Variants in EXOC4 observed in about 807,000 individuals in gnomAD.
The protein encoded by EXOC4 is exocyst complex component 4.
A neutral mutation model predicts 107.2 loss-of-function variants in EXOC4; 71 were observed. The ratio of observed to expected loss-of-function variants is 0.66; its 90% CI spans 0.55 to 0.81. The LOEUF is 0.81. EXOC4 is among the 30% of genes least tolerant of loss of function. The pLI, the probability that EXOC4 is intolerant of heterozygous loss-of-function variation, is 0.00. For missense variants in EXOC4, 1,108 were observed against 1,189.6 expected, an observed-to-expected ratio of 0.93 and a Z score of 1.01; for synonymous variants, 456 against 441.2, an observed-to-expected ratio of 1.03 and a Z score of -0.42.
chr7:133,800,887 C>A (rs2151195115), intron 10 of EXOC4, among the ~76,000 whole-genome samples: 1 of 152,294 alleles, frequency 6.6e-6, no homozygotes, highest in East Asian at 1.9e-4. Context: ...TGCTTTTGTT[C>A]CATTCCAATG....
At chr7:133,317,725 AGGCTG>A (rs1795024168) in intron 5 of EXOC4, among the ~76,000 whole-genome samples, 1 of 150,940 alleles carries the variant, frequency 6.6e-6, no homozygotes, top group African/African-American at 2.4e-5. Flanking sequence ...TCTGTTGCCC[AGGCTG>A]GAGTGTAGTG....
At chr7:133,531,649 T>A (rs756665107) in intron 9 of EXOC4, among the ~76,000 whole-genome samples, 1 of 152,144 alleles carries the variant, frequency 6.6e-6, no homozygotes, top group South Asian at 2.1e-4. Context: ...TGAGAAAAGT[T>A]CTTCTTATGT....
intron 14 of EXOC4, among the ~76,000 whole-genome samples, chr7:133,959,379 T>C (rs1800888848): frequency 6.6e-6 from 1 of 151,524 alleles, no homozygotes; most frequent in African/African-American, 2.4e-5. Context: ...CAAGAACTCT[T>C]AGAAATAAAA....
chr7:133,591,060 G>T (rs1466676264), intron 9 of EXOC4, among the ~76,000 whole-genome samples: 1 of 152,192 alleles, frequency 6.6e-6, no homozygotes, highest in African/African-American at 2.4e-5. Context: ...TTCCTGTGAG[G>T]GGTTGAGGGC....
intron 11 of EXOC4, among the ~76,000 whole-genome samples, chr7:133,822,384 A>T (rs1179784456): frequency 6.6e-6 from 1 of 152,194 alleles, no homozygotes; most frequent in African/African-American, 2.4e-5. Context: ...CTCCATCTGA[A>T]AAAAAGAGCG....
downstream of EXOC4, chr7:134,065,763 G>T (rs1383047891): frequency 2.0e-5 from 3 of 152,210 alleles, no homozygotes; most frequent in Admixed American, 2.0e-4. Flanking sequence ...AAGCTTAAAT[G>T]TTTCATGTTA....
intron 11 of EXOC4, among the ~76,000 whole-genome samples, chr7:133,862,488 G>A (rs1175300099): frequency 1.3e-5 from 2 of 151,558 alleles, no homozygotes; most frequent in Non-Finnish European, 2.9e-5. Context: ...GTCTCAGGGG[G>A]CGGGGAAAAA....
At chr7:134,033,384 T>C (rs2116487045) in intron 17 of EXOC4, among the ~76,000 whole-genome samples, 1 of 152,270 alleles carries the variant, frequency 6.6e-6, no homozygotes, top group East Asian at 1.9e-4. Context: ...AGGACCAGAA[T>C]AAAACATTCA....
chr7:133,485,657 A>T (rs1799255914), intron 9 of EXOC4, among the ~76,000 whole-genome samples: 1 of 152,136 alleles, frequency 6.6e-6, no homozygotes, highest in Non-Finnish European at 1.5e-5. Flanking sequence ...ACTTCCCTTG[A>T]CCCAGAGTGC....
At chr7:133,674,549 A>G (rs889505908) in intron 10 of EXOC4, among the ~76,000 whole-genome samples, 6 of 152,116 alleles carry the variant, frequency 3.9e-5, no homozygotes, top group African/African-American at 1.4e-4. Context: ...TGCCTTGCCT[A>G]GAATGTTTGC....
chr7:133,659,399 A>G (rs1255437762), intron 10 of EXOC4, among the ~76,000 whole-genome samples: 1 of 152,132 alleles, frequency 6.6e-6, no homozygotes, highest in Non-Finnish European at 1.5e-5. Context: ...CTGAGCAAAT[A>G]TATACTAAGG....
intron 10 of EXOC4, among the ~76,000 whole-genome samples, chr7:133,646,620 T>G (rs914875070): frequency 3.9e-5 from 6 of 152,202 alleles, no homozygotes; most frequent in Non-Finnish European, 7.3e-5. Context: ...ATGAAATATA[T>G]GTATGTGTGG....
At chr7:133,430,439 TTCTA>T (rs1797831369) in intron 7 of EXOC4, among the ~76,000 whole-genome samples, 1 of 152,214 alleles carries the variant, frequency 6.6e-6, no homozygotes, top group East Asian at 1.9e-4. Context: ...AACTGCCCTC[TTCTA>T]TCTAATATTT....
At chr7:133,851,542 T>C (rs1384717669) in intron 11 of EXOC4, among the ~76,000 whole-genome samples, 2 of 152,178 alleles carry the variant, frequency 1.3e-5, no homozygotes, top group Non-Finnish European at 2.9e-5. Context: ...ATTTGAGCTG[T>C]TCCTGAATAA....
intron 7 of EXOC4, among the ~76,000 whole-genome samples, chr7:133,411,236 A>G (rs1797348421): frequency 1.3e-5 from 2 of 152,176 alleles, no homozygotes; most frequent in Admixed American, 6.6e-5. Flanking sequence ...GATTAGTGCA[A>G]ACTCATTCTC....
intron 7 of EXOC4, among the ~76,000 whole-genome samples, chr7:133,455,083 T>C (rs1289749052): frequency 6.6e-6 from 1 of 151,944 alleles, no homozygotes; most frequent in Non-Finnish European, 1.5e-5. Context: ...AGACCCTGTC[T>C]CCAAAAAATA....
chr7:133,834,295 G>A (rs768426338), intron 11 of EXOC4, among the ~76,000 whole-genome samples: 9 of 151,900 alleles, frequency 5.9e-5, no homozygotes, highest in Non-Finnish European at 1.0e-4. Context: ...TACCTTATTT[G>A]GAAAGAGGAC....
At chr7:133,999,924 C>T (rs1342651783) in intron 15 of EXOC4, among the ~76,000 whole-genome samples, 2 of 152,150 alleles carry the variant, frequency 1.3e-5, no homozygotes, top group Non-Finnish European at 2.9e-5. Flanking sequence ...AGAAACTATA[C>T]AGTGCTATAG....
At chr7:133,983,834 A>C (rs758945874) in intron 14 of EXOC4, among the ~76,000 whole-genome samples, 1 of 152,194 alleles carries the variant, frequency 6.6e-6, no homozygotes, top group Non-Finnish European at 1.5e-5. Flanking sequence ...ACAGCACCAC[A>C]ATACTGCTTT....
Sources: gnomAD v4.1 joint callset for allele counts (sites outside exome capture counted in the v4.1 genomes callset) on GRCh38, gnomAD v4.1.1 for gene constraint, MANE v1.5 for transcripts, NCBI Gene and HGNC (gene_info 2026-07-23, HGNC 2026-07-21) for gene names.